The following STARD6 variants were observed in gnomAD, a reference collection of about 807,000 sequenced individuals.
The protein encoded by STARD6 is stAR-related lipid transfer protein 6.
STARD6 carries 21 observed loss-of-function variants against 22.3 expected under a neutral mutation model. The ratio of observed to expected loss-of-function variants is 0.94; its 90% CI spans 0.67 to 1.35. The LOEUF (loss-of-function observed/expected upper bound fraction) is 1.35, where lower values mean the gene tolerates loss of function less well. Ranked by LOEUF, STARD6 falls within the 40% of genes most tolerant of loss-of-function variation. STARD6 has a pLI of 0.00. For missense variants in STARD6, 269 were observed against 266.9 expected, an observed-to-expected ratio of 1.01 and a Z score of -0.05; for synonymous variants, 80 against 88.1, an observed-to-expected ratio of 0.91 and a Z score of 0.52.
In STARD6 at chr18:54,336,550, T is replaced by C. The variant is rs142811436; in HGVS notation, c.267+575A>G. ...TATTTCTTCATAGCCGGCGGACTCA[T>C]ACACCTACTCTTAAACATTATATGC... On this transcript the variant is annotated intron_variant, in intron 5 of 7. Transcript: ENST00000307844. 9.8e-3 allele frequency among the ~76,000 whole-genome samples: 1,487 copies of C among 152,324 alleles called. 19 individuals are homozygous for C. Among genetic ancestry groups the C allele is most frequent in the African/African-American group, 0.033 (1,354 of 41,564 alleles).
chr18:54,337,145 T>C lies in STARD6; in HGVS notation c.247A>G (p.Met83Val). ...ATTACCGAATCAATCCTGTGTACCA[T>C]ATTATACACTTGCAATGATTTATCC... ...TWDKSLQVYN[M>V]VHRIDSDTFI... Residue 83 changes from methionine to valine, a missense_variant, in exon 5 of 8, where the codon ATG becomes GTG. By Grantham distance (21) the Met-to-Val change is conservative. Coordinates refer to ENST00000307844, the MANE Select transcript of STARD6 (RefSeq NM_139171.2). 6.2e-7 allele frequency: 1 copy of C among 1,613,074 alleles called. No homozygotes were observed. Among genetic ancestry groups the C allele is most frequent in the Non-Finnish European group, 8.5e-7 (1 of 1,179,466 alleles).
Position 54,356,418 on chromosome 18 carries a change from C to G in STARD6, c.-62G>C, listed in dbSNP as rs1390865229. The G allele has an allele frequency of 2.0e-5, 3 of 152,122 alleles. No homozygotes were observed. The highest frequency in any genetic ancestry group is 4.1e-4 in the South Asian group (2 of 4,830). 9.4% of individuals were successfully genotyped at this position (152,122 alleles called of 1,614,324 possible). On this transcript the variant is annotated 5_prime_UTR_variant, in exon 2 of 8. Coordinates refer to ENST00000307844, the MANE Select transcript of STARD6 (RefSeq NM_139171.2). The stretch of plus-strand genomic sequence containing the variant: ...AACTACTGGGGCTCCTCTCCAAATC[C>G]TTGTGGAAATCTCCATATCTCTTAA...
intron 4 of STARD6, among the ~76,000 whole-genome samples, chr18:54,346,060 A>C (rs1384110663): frequency 1.3e-5 from 2 of 152,164 alleles, no homozygotes; most frequent in African/African-American, 4.8e-5. Context: ...CAGAAGACGG[A>C]TAAATTGAAC....
At chr18:54,325,246 C>A (rs34163044) in intron 7 of STARD6, among the ~76,000 whole-genome samples, 60,295 of 151,642 alleles carry the variant, frequency 0.4, 12,605 homozygotes, top group East Asian at 0.66. Flanking sequence ...TTCTCTCTCT[C>A]TATATATATA....
intron 4 of STARD6, among the ~76,000 whole-genome samples, chr18:54,340,209 G>A (rs117436192): frequency 0.011 from 1,722 of 152,096 alleles, 17 homozygotes; most frequent in Middle Eastern, 0.034. Flanking sequence ...TAACAATATG[G>A]TATTTGATTT....
intron 5 of STARD6, among the ~76,000 whole-genome samples, 188 bp downstream of exon 5, chr18:54,336,937 A>C (rs1277527340): frequency 6.6e-6 from 1 of 152,246 alleles, no homozygotes; most frequent in Non-Finnish European, 1.5e-5. Context: ...TGCATTTACA[A>C]GTAGCATAAA....
chr18:54,348,508 G>C (rs1029809063), intron 4 of STARD6, among the ~76,000 whole-genome samples: 2 of 152,118 alleles, frequency 1.3e-5, no homozygotes, highest in African/African-American at 4.8e-5. Context: ...TAAAGTCTTG[G>C]TGTCTAAGTT....
At chr18:54,326,039 A>G (rs1293563529) in intron 7 of STARD6, among the ~76,000 whole-genome samples, 3 of 151,962 alleles carry the variant, frequency 2.0e-5, no homozygotes, top group African/African-American at 4.8e-5. Flanking sequence ...TTCCATATGC[A>G]TTTTTTCCGT....
intron 4 of STARD6, among the ~76,000 whole-genome samples, chr18:54,341,151 C>T (rs985243755): frequency 6.6e-5 from 10 of 152,190 alleles, no homozygotes; most frequent in Non-Finnish European, 1.3e-4. Flanking sequence ...CCTCCGCCTC[C>T]AGGGTTCACG....
intron 5 of STARD6, among the ~76,000 whole-genome samples, chr18:54,332,152 A>G (rs2088870835): frequency 6.6e-6 from 1 of 152,214 alleles, no homozygotes; most frequent in African/African-American, 2.4e-5. Flanking sequence ...AGATAAGTAC[A>G]GAAATAGAAC....
chr18:54,337,106 G>A lies in STARD6; in HGVS notation c.267+19C>T. On this transcript the variant is annotated intron_variant, in intron 5 of 7. Transcript: ENST00000307844. ...AATATATTAATGTTCTAGAAGTCCAGTATTAAACAACAAATTACCGAATCA... is the reference window on the plus strand; with the variant it reads ...AATATATTAATGTTCTAGAAGTCCAATATTAAACAACAAATTACCGAATCA... 1.3e-6 allele frequency: 2 copies of A among 1,598,004 alleles called. No homozygotes were observed. Among genetic ancestry groups the A allele is most frequent in the South Asian group, 1.1e-5 (1 of 88,346 alleles).
intron 5 of STARD6, among the ~76,000 whole-genome samples, chr18:54,336,787 A>G (rs2088918111): frequency 6.6e-6 from 1 of 152,202 alleles, no homozygotes; most frequent in African/African-American, 2.4e-5. Context: ...TAATATGACT[A>G]AAATAAGTCT....
chr18:54,352,194 A>G (rs2089104676), intron 4 of STARD6, among the ~76,000 whole-genome samples: 1 of 150,726 alleles, frequency 6.6e-6, no homozygotes, highest in African/African-American at 2.4e-5. Flanking sequence ...TTTTTCCCAG[A>G]ATTTATCGAT....
intron 4 of STARD6, among the ~76,000 whole-genome samples, chr18:54,346,885 C>G (rs1287445182): frequency 6.6e-6 from 1 of 152,002 alleles, no homozygotes; most frequent in African/African-American, 2.4e-5. Context: ...GTCACCTAGT[C>G]GCCTGGGGCT....
chr18:54,343,656 C>T (rs375600289), intron 4 of STARD6, among the ~76,000 whole-genome samples: 58 of 32,340 alleles, frequency 1.8e-3, no homozygotes, highest in Non-Finnish European at 2.4e-3. Context: ...CCAGCCGCCC[C>T]GTCCGGGAGG....
chr18:54,349,077 T>G (rs1455207677), intron 4 of STARD6, among the ~76,000 whole-genome samples: 1 of 152,102 alleles, frequency 6.6e-6, no homozygotes, highest in Admixed American at 6.6e-5. Flanking sequence ...CCTATTAAAG[T>G]TAGTATCCTC....
chr18:54,351,072 A>C lies in STARD6; in HGVS notation c.140+2982T>G, dbSNP rs547091838. Among the ~76,000 whole-genome samples the C allele has an allele frequency of 3.9e-5, 6 of 152,248 alleles. No homozygotes were observed. The East Asian group carries it at 1.2e-3, about 29-fold the overall frequency. On this transcript the variant is annotated intron_variant, in intron 4 of 7. Coordinates refer to ENST00000307844, the MANE Select transcript of STARD6 (RefSeq NM_139171.2). ...CATTGAATCTGTAGATTGTTTTGGC[A>C]GTAGGGTCATTTTCACAATACTGAT... is the stretch of plus-strand genomic sequence containing the variant.
At position 54,337,247 on chromosome 18, in the gene STARD6, G is replaced by C; in HGVS notation, c.145C>G (p.Arg49Gly). Reference sequence around the variant, plus strand: ...GATTCTGGAATTATCCCTTCAACACGATATCTACAGTTAACAAAATAAAGA... The same window carrying C: ...GATTCTGGAATTATCCCTTCAACACCATATCTACAGTTAACAAAATAAAGA... ...ASRKFHGNLY[R>G]VEGIIPESPA... Residue 49 changes from arginine (R) to glycine (G), a missense_variant, in exon 5 of 8, where the codon CGT becomes GGT. Coordinates refer to ENST00000307844, the MANE Select transcript of STARD6 (RefSeq NM_139171.2). 4.4e-6 allele frequency: 7 copies of C among 1,608,914 alleles called. No homozygotes were observed. Among genetic ancestry groups the C allele is most frequent in the Non-Finnish European group, 5.9e-6 (7 of 1,178,178 alleles).
intron 4 of STARD6, 187 bp downstream of exon 4, chr18:54,353,867 A>G (rs566573266): frequency 3.6e-5 from 14 of 384,728 alleles, no homozygotes; most frequent in African/African-American, 8.4e-5. Flanking sequence ...TCAGATTTGA[A>G]AATAGAAGAT....
Sources: gnomAD v4.1 joint callset for allele counts (sites outside exome capture counted in the v4.1 genomes callset) on GRCh38, gnomAD v4.1.1 for gene constraint, MANE v1.5 for transcripts, NCBI Gene and HGNC (gene_info 2026-07-23, HGNC 2026-07-21) for gene names.